Variants in MAGI1 observed in about 807,000 individuals in gnomAD.
MAGI1 encodes membrane-associated guanylate kinase, WW and PDZ domain-containing protein 1.
Under a neutral mutation model 139.9 loss-of-function variants are expected in MAGI1, and 58 were observed. The ratio of observed to expected loss-of-function variants is 0.41; its 90% CI spans 0.34 to 0.52. The LOEUF (loss-of-function observed/expected upper bound fraction) is 0.52, where lower values mean the gene tolerates loss of function less well. Ranked by LOEUF, MAGI1 falls within the 20% of genes least tolerant of loss-of-function variation. The pLI is 0.12. For synonymous variants in MAGI1, 812 were observed against 737.9 expected (o/e 1.10, Z -1.63); for missense variants, 1,874 against 1,901.6 (o/e 0.99, Z 0.27).
rs201761669 is a variant in MAGI1 at position 65,357,173 on chromosome 3, G to A, written c.3635-41C>T. On this transcript the variant is annotated intron_variant, in intron 22 of 22. Transcript: ENST00000402939. ...ACGAGAGCAACAGTTGGGTACGAAG[G>A]TCCCTCGGCTCCTGTCCCCGTTCCC... 5.8e-5 allele frequency: 90 copies of A among 1,560,322 alleles called. 1 individual carries two copies. In the Admixed American group the frequency reaches 1.6e-3, roughly 27 times the overall value.
intron 1 of MAGI1, among the ~76,000 whole-genome samples, chr3:65,964,264 C>G (rs1246065660): frequency 6.6e-6 from 1 of 152,142 alleles, no homozygotes; most frequent in Admixed American, 6.5e-5. Context: ...TGAGAGAAGC[C>G]AAACCACTCA....
chr3:65,533,245 A>C (rs1392909537), intron 2 of MAGI1, among the ~76,000 whole-genome samples: 1 of 152,168 alleles, frequency 6.6e-6, no homozygotes, highest in African/African-American at 2.4e-5. Flanking sequence ...TTTACGGAGC[A>C]CTTATTGGGT....
intron 1 of MAGI1, among the ~76,000 whole-genome samples, chr3:65,923,269 A>T (rs1325013826): frequency 1.5e-5 from 2 of 134,528 alleles, no homozygotes; most frequent in Non-Finnish European, 3.0e-5. Context: ...TCTGTCACCC[A>T]GGCTGGAGTG....
At chr3:65,780,864 G>A (rs947522073) in intron 1 of MAGI1, among the ~76,000 whole-genome samples, 1 of 152,140 alleles carries the variant, frequency 6.6e-6, no homozygotes, top group Admixed American at 6.5e-5. Context: ...ACTATGTAAG[G>A]GCCATGACTA....
At chr3:65,640,212 C>T (rs750336178) in intron 1 of MAGI1, among the ~76,000 whole-genome samples, 3 of 151,956 alleles carry the variant, frequency 2.0e-5, no homozygotes, top group Non-Finnish European at 4.4e-5. Flanking sequence ...AATGAAATCT[C>T]CTTCTCTCTA....
chr3:65,470,045 T>G (rs1272230179), intron 5 of MAGI1: 1 of 255,142 alleles, frequency 3.9e-6, no homozygotes, highest in African/African-American at 2.2e-5. Flanking sequence ...ATACCATAAT[T>G]TAGTTGTCTA....
At chr3:65,963,249 T>C (rs62243768) in intron 1 of MAGI1, among the ~76,000 whole-genome samples, 69,104 of 145,910 alleles carry the variant, frequency 0.47, 16,765 homozygotes, top group South Asian at 0.63. Context: ...GAGGTGGAGG[T>C]TGCAGTGAGT....
At chr3:66,002,735 C>T (rs1211794550) in intron 1 of MAGI1, among the ~76,000 whole-genome samples, 1 of 152,104 alleles carries the variant, frequency 6.6e-6, no homozygotes, top group Non-Finnish European at 1.5e-5. Context: ...AGGCTGGTCT[C>T]GCACTCCTGA....
intron 2 of MAGI1, among the ~76,000 whole-genome samples, chr3:65,568,292 AT>A: frequency 6.6e-6 from 1 of 151,894 alleles, no homozygotes; most frequent in Non-Finnish European, 1.5e-5. Context: ...AAAATAAAAT[AT>A]TTTTTGACTG....
rs1215600256 is a variant in MAGI1, at chr3:65,383,534, G to C, written c.2506C>G (p.Pro836Ala). 2 of 1,609,628 alleles carry C rather than the reference G, an allele frequency of 1.2e-6. No homozygotes were observed. The highest frequency in any genetic ancestry group is 1.7e-6 in the Non-Finnish European group (2 of 1,176,104). ...AGAGAGACAAGCAAAAGACTCACAG[G>C]TTCCCCTGGTTCATTTCCACCCAGA... ...RILGGNEPGE[P>A]IYIGHIVPLG... Residue 836 changes from proline (P) to alanine (A), a missense_variant and splice_region_variant, in exon 15 of 23, where the codon CCT becomes GCT. Around this residue, in one of 5 missense-constraint regions of MAGI1, gnomAD observed 482 missense variants for 509.6 expected, o/e 0.95. Transcript: ENST00000402939.
At chr3:65,691,302 CA>C (rs752329892) in intron 1 of MAGI1, among the ~76,000 whole-genome samples, 931 of 74,646 alleles carry the variant, frequency 0.012, 15 homozygotes, top group African/African-American at 0.035. Flanking sequence ...GACTCCGTCT[CA>C]AAAAAAAAAA....
intron 1 of MAGI1, among the ~76,000 whole-genome samples, chr3:66,033,900 G>T (rs2068774502): frequency 6.6e-6 from 1 of 152,092 alleles, no homozygotes; most frequent in Non-Finnish European, 1.5e-5. Flanking sequence ...TGGAAACAAA[G>T]GATTTCACGA....
In MAGI1 at chr3:65,507,675, C is replaced by T. The variant is rs191960752; in HGVS notation, c.431-14044G>A. Among the ~76,000 whole-genome samples, 23 of 152,222 alleles carry T rather than the reference C, an allele frequency of 1.5e-4. No individual in the cohort carries two copies. The East Asian group carries it at 3.7e-3, about 24-fold the overall frequency. ...CCAAAAATATATGGACTTGGAGCAA[C>T]GGCAAAATCATTTAGACCCAGCTGA... On this transcript the variant is annotated intron_variant, in intron 2 of 22. Transcript: ENST00000402939.
intron 1 of MAGI1, among the ~76,000 whole-genome samples, chr3:65,622,330 C>T (rs777289912): frequency 1.3e-5 from 2 of 152,104 alleles, no homozygotes; most frequent in African/African-American, 2.4e-5. Flanking sequence ...TACTAGAAGG[C>T]CAAAATATCA....
chr3:65,911,050 G>C (rs1305433716), intron 1 of MAGI1, among the ~76,000 whole-genome samples: 1 of 151,148 alleles, frequency 6.6e-6, no homozygotes, highest in East Asian at 2.0e-4. Context: ...TAGAGACGGG[G>C]TTTCACCATA....
At chr3:65,571,210 G>A (rs779062293) in intron 2 of MAGI1, among the ~76,000 whole-genome samples, 3 of 152,064 alleles carry the variant, frequency 2.0e-5, no homozygotes, top group African/African-American at 7.2e-5. Context: ...AAATTGCAGT[G>A]AATGAAACTG....
At chr3:66,020,985 G>T (rs963775032) in intron 1 of MAGI1, among the ~76,000 whole-genome samples, 1 of 152,130 alleles carries the variant, frequency 6.6e-6, no homozygotes, top group African/African-American at 2.4e-5. Context: ...ACTAAAACAT[G>T]ATCTACCCCA....
chr3:65,849,429 T>C (rs557475127), intron 1 of MAGI1, among the ~76,000 whole-genome samples: 1 of 151,514 alleles, frequency 6.6e-6, no homozygotes, highest in Non-Finnish European at 1.5e-5. Flanking sequence ...ACCATTGACC[T>C]ATTTGCTGCA....
intron 2 of MAGI1, among the ~76,000 whole-genome samples, chr3:65,587,204 A>G (rs182581939): frequency 1.1e-4 from 17 of 152,310 alleles, no homozygotes; most frequent in Non-Finnish European, 1.5e-4. Context: ...TGTCCCAATA[A>G]ACCACTGGTT....
Sources: gnomAD v4.1 joint callset for allele counts (sites outside exome capture counted in the v4.1 genomes callset) on GRCh38, gnomAD v4.1.1 for gene constraint, gnomAD v4.1.1 regional missense constraint, MANE v1.5 for transcripts, NCBI Gene and HGNC (gene_info 2026-07-23, HGNC 2026-07-21) for gene names.